Variants in ABCG8 observed in about 807,000 individuals in gnomAD.
ABCG8 encodes ATP-binding cassette sub-family G member 8.
ABCG8 carries 81 observed loss-of-function variants against 71.3 expected under a neutral mutation model. The observed-to-expected ratio is 1.14, with a 90% CI of 0.95 to 1.37. The LOEUF (loss-of-function observed/expected upper bound fraction) is 1.37. ABCG8 is among the 40% of genes most tolerant of loss of function. The probability of loss-of-function intolerance (pLI) is 0.00; values close to 1 mark genes in which losing one functional copy is unlikely to be tolerated. For missense variants in ABCG8, 1,119 were observed against 866.2 expected, an observed-to-expected ratio of 1.29 and a Z score of -3.66; for synonymous variants, 451 against 354.7, an observed-to-expected ratio of 1.27 and a Z score of -3.05.
At chr2:43,875,004 G>A (rs1475735217) in intron 10 of ABCG8, 142 bp from the exon 11 acceptor site, 17 of 1,193,700 alleles carry the variant, frequency 1.4e-5, no homozygotes, top group South Asian at 1.4e-4. Context: ...CATGCTCCTG[G>A]GTCCCAGCAC....
chr2:43,880,972 CCCA>C lies in ABCG8; in HGVS notation c.*3064_*3066del, dbSNP rs1670115623. 6.6e-6 allele frequency: 1 copy of C among 152,366 alleles called. No homozygotes were observed. The highest frequency in any genetic ancestry group is 2.4e-5 in the African/African-American group (1 of 41,464). The allele number at this position is 152,366 out of a possible 1,614,324, so 9.4% of individuals were successfully genotyped here. A position where few individuals can be genotyped will look rare whatever the true frequency, so the allele number is the denominator to read the frequency against. ...AGCTGTCTTCCTCACACTCCCGTGG[CCCA>C]CCACAACTTCCCCCCACCTCCTTGT... On this transcript the variant is annotated 3_prime_UTR_variant, in exon 13 of 13. Transcript: ENST00000272286.
At chr2:43,860,234 A>G (rs72796779) in intron 6 of ABCG8, among the ~76,000 whole-genome samples, 7,543 of 150,070 alleles carry the variant, frequency 0.05, 234 homozygotes, top group Middle Eastern at 0.11. Context: ...ACTCTCTGGT[A>G]GAATTCTCAT....
At chr2:43,867,113 G>A (rs899809410) in intron 6 of ABCG8, among the ~76,000 whole-genome samples, 2 of 149,306 alleles carry the variant, frequency 1.3e-5, no homozygotes, top group African/African-American at 4.9e-5. Context: ...ACCAAACACC[G>A]CATGTTCTCA....
At chr2:43,851,390 A>G (rs1668908615) in intron 3 of ABCG8, among the ~76,000 whole-genome samples, 194 bp from the exon 4 acceptor site, 1 of 152,244 alleles carries the variant, frequency 6.6e-6, no homozygotes, top group Admixed American at 6.5e-5. Context: ...CGTTGGCTGC[A>G]GACAGAAGGC....
chr2:43,842,777 C>T (rs1384409135), intron 1 of ABCG8, among the ~76,000 whole-genome samples: 1 of 122,500 alleles, frequency 8.2e-6, no homozygotes, highest in Non-Finnish European at 1.7e-5. Context: ...TTTATCTTTC[C>T]CATTTTTTTC....
intron 10 of ABCG8, 28 bp downstream of exon 10, chr2:43,874,511 C>CCT (rs764063561): frequency 1.1e-4 from 155 of 1,432,502 alleles, no homozygotes; most frequent in South Asian, 2.3e-4. Flanking sequence ...AGAGCAAGTG[C>CCT]CCCCCACCCA....
At chr2:43,871,827 C>T in intron 6 of ABCG8, 149 bp from the exon 7 acceptor site, 2 of 1,166,094 alleles carry the variant, frequency 1.7e-6, no homozygotes, top group Non-Finnish European at 2.5e-6. Flanking sequence ...CTCTGCTCTG[C>T]CCCTTGCTTC....
chr2:43,875,454 C>A, intron 11 of ABCG8, 41 bp downstream of exon 11: 1 of 1,597,596 alleles, frequency 6.3e-7, no homozygotes, highest in Non-Finnish European at 8.5e-7. Flanking sequence ...TTTGTTAGGA[C>A]TCATGTGACT....
chr2:43,874,135 T>C (rs1237362991), intron 9 of ABCG8, 149 bp downstream of exon 9: 1 of 952,086 alleles, frequency 1.1e-6, no homozygotes, highest in Non-Finnish European at 1.6e-6. Flanking sequence ...AATATTAGCA[T>C]ACAAATGAAA....
At chr2:43,839,403 CTTTTTTTTTTTTTTTTTTTTTTT>C (rs537784677) in intron 1 of ABCG8, among the ~76,000 whole-genome samples, 30 of 59,314 alleles carry the variant, frequency 5.1e-4, no homozygotes, top group Middle Eastern at 0.016. Flanking sequence ...CTTTTCTTCT[CTTTTTTTTTTTTTTTTTTTTTTT>C]TTTTTTTTTT....
In ABCG8 at chr2:43,874,395, C is replaced by A; in HGVS notation, c.1412-12C>A. On this transcript the variant is annotated splice_polypyrimidine_tract_variant and intron_variant, in intron 9 of 12. Transcript: ENST00000272286. ...ACTTCTTCATTCTCTTTTCCTTTCC[C>A]TTACTTTTTAGGTTACTCAGAGAGG... The A allele has an allele frequency of 6.7e-7, 1 of 1,483,180 alleles. No homozygotes were observed. Among genetic ancestry groups the A allele is most frequent in the Non-Finnish European group, 9.4e-7 (1 of 1,069,466 alleles). 91.9% of individuals were successfully genotyped at this position (1,483,180 alleles called of 1,614,324 possible). A position where few individuals can be genotyped will look rare whatever the true frequency, so the allele number is the denominator to read the frequency against.
chr2:43,841,779 G>A (rs1048104823), intron 1 of ABCG8, among the ~76,000 whole-genome samples: 2 of 152,142 alleles, frequency 1.3e-5, no homozygotes, highest in Non-Finnish European at 2.9e-5. Flanking sequence ...ACCACACAGT[G>A]GAACCCAGTT....
chr2:43,863,366 T>A lies in ABCG8; in HGVS notation c.965-8610T>A, dbSNP rs1669401721. 2.0e-5 allele frequency among the ~76,000 whole-genome samples: 3 copies of A among 151,648 alleles called. No homozygotes were observed. In the South Asian group the frequency reaches 6.3e-4, roughly 32 times the overall value. On this transcript the variant is annotated intron_variant, in intron 6 of 12. Coordinates refer to ENST00000272286, the MANE Select transcript of ABCG8 (RefSeq NM_022437.3). ...CTGGATAGAACTCTCACTATCTGCATAGAATTCTCACTCTCTAGATAGAAC... is the reference window on the plus strand; with the variant it reads ...CTGGATAGAACTCTCACTATCTGCAAAGAATTCTCACTCTCTAGATAGAAC...
At position 43,880,173 on chromosome 2, in the gene ABCG8, GT is replaced by G. The variant is rs369164911; in HGVS notation, c.*2264del. 4.3e-4 allele frequency: 37 copies of G among 86,048 alleles called. No homozygotes were observed. Among genetic ancestry groups the G allele is most frequent in the African/African-American group, 1.6e-3 (32 of 20,454 alleles). The allele number at this position is 86,048 out of a possible 1,614,324, so 5.3% of individuals were successfully genotyped here. On this transcript the variant is annotated 3_prime_UTR_variant, in exon 13 of 13. Coordinates refer to ENST00000272286, the MANE Select transcript of ABCG8 (RefSeq NM_022437.3). The stretch of plus-strand genomic sequence containing the variant: ...ACCAAGAGTTTCAGGCTCATTTTTT[GT>G]TTTGTTTTTTTTTTTTTGAGACAGA...
rs373949221 is a variant in ABCG8 at position 43,849,952 on chromosome 2, C to T, written c.323-1632C>T. ...CGGTGGCTCACGTCTGTCATCCCAGCACTTTGGGAGGCCGAGGCAGGCGGA... is the reference window on the plus strand; with the variant it reads ...CGGTGGCTCACGTCTGTCATCCCAGTACTTTGGGAGGCCGAGGCAGGCGGA... On this transcript the variant is annotated intron_variant, in intron 3 of 12. Coordinates refer to ENST00000272286, the MANE Select transcript of ABCG8 (RefSeq NM_022437.3). 1.1e-4 allele frequency among the ~76,000 whole-genome samples: 16 copies of T among 152,260 alleles called. No homozygotes were observed. The South Asian group carries it at 3.3e-3, about 32-fold the overall frequency.
At chr2:43,866,742 TTGG>T (rs1669544582) in intron 6 of ABCG8, among the ~76,000 whole-genome samples, 1 of 151,266 alleles carries the variant, frequency 6.6e-6, no homozygotes, top group Admixed American at 6.6e-5. Flanking sequence ...TTTTACACTG[TTGG>T]TGGGATTGTA....
intron 6 of ABCG8, among the ~76,000 whole-genome samples, chr2:43,871,182 C>G (rs929091803): frequency 3.3e-5 from 5 of 151,860 alleles, no homozygotes; most frequent in African/African-American, 9.7e-5. Context: ...ATAGAACTCT[C>G]CCCATCTGGA....
At chr2:43,862,122 T>A (rs565743173) in intron 6 of ABCG8, among the ~76,000 whole-genome samples, 42 of 150,718 alleles carry the variant, frequency 2.8e-4, no homozygotes, top group African/African-American at 1.0e-3. Flanking sequence ...ATAGAACTCT[T>A]ACTACCTGGA....
At position 43,875,330 on chromosome 2, in the gene ABCG8, T is replaced by A. The variant is rs780410393; in HGVS notation, c.1673T>A (p.Met558Lys). 8 of 1,614,066 alleles carry A rather than the reference T, an allele frequency of 5.0e-6. No homozygotes were observed. In the East Asian group the frequency reaches 1.8e-4, roughly 36 times the overall value. Residue 558 changes from methionine (M) to lysine (K), a missense_variant, in exon 11 of 13, where the codon ATG becomes AAG. Physicochemically the swap from Met to Lys is moderately conservative, Grantham distance 95. Transcript: ENST00000272286. Reference sequence around the variant, plus strand: ...GCGGCCCTGCTCCCCACCTTCCACATGGCCTCCTTCTTCAGCAATGCCCTC... The same window carrying A: ...GCGGCCCTGCTCCCCACCTTCCACAAGGCCTCCTTCTTCAGCAATGCCCTC... ...AAAALLPTFH[M>K]ASFFSNALYN...
Sources: gnomAD v4.1 joint callset for allele counts (sites outside exome capture counted in the v4.1 genomes callset) on GRCh38, gnomAD v4.1.1 for gene constraint, MANE v1.5 for transcripts, NCBI Gene and HGNC (gene_info 2026-07-23, HGNC 2026-07-21) for gene names.